CEP83: variants seen among roughly 807,000 people sequenced by gnomAD.
CEP83 encodes centrosomal protein of 83 kDa.
CEP83 carries 70 observed loss-of-function variants against 101.9 expected under a neutral mutation model. That is an observed-to-expected ratio of 0.69 (90% confidence interval 0.57 to 0.84). The LOEUF (loss-of-function observed/expected upper bound fraction) is 0.84, where lower values mean the gene tolerates loss of function less well. Ranked by LOEUF, CEP83 falls within the 40% of genes least tolerant of loss-of-function variation. The pLI is 0.00. For missense variants in CEP83, 715 were observed against 787.2 expected, an observed-to-expected ratio of 0.91 and a Z score of 1.10; for synonymous variants, 264 against 267.9, an observed-to-expected ratio of 0.99 and a Z score of 0.14.
intron 11 of CEP83, among the ~76,000 whole-genome samples, chr12:94,349,848 T>C (rs1273793240): frequency 1.3e-5 from 2 of 152,104 alleles, no homozygotes; most frequent in African/African-American, 2.4e-5. Flanking sequence ...TAGCTGCATC[T>C]CTATACACTA....
chr12:94,339,152 G>C (rs2136590146), intron 11 of CEP83, among the ~76,000 whole-genome samples: 1 of 152,188 alleles, frequency 6.6e-6, no homozygotes, highest in South Asian at 2.1e-4. Flanking sequence ...TTTTAGTAGA[G>C]ACGGAGTTTC....
intron 16 of CEP83, among the ~76,000 whole-genome samples, chr12:94,309,376 G>C (rs1390945448): frequency 6.6e-6 from 1 of 152,098 alleles, no homozygotes; most frequent in African/African-American, 2.4e-5. Flanking sequence ...CAATACCTCA[G>C]GGGCTTGATA....
intron 4 of CEP83, among the ~76,000 whole-genome samples, chr12:94,407,306 TA>T (rs982792234): frequency 1.3e-5 from 2 of 151,682 alleles, no homozygotes; most frequent in Non-Finnish European, 2.9e-5. Flanking sequence ...ACTACAGATA[TA>T]AAAAAAACTG....
At chr12:94,356,161 G>A (rs1053358584) in intron 11 of CEP83, among the ~76,000 whole-genome samples, 2 of 152,148 alleles carry the variant, frequency 1.3e-5, no homozygotes, top group Non-Finnish European at 1.5e-5. Context: ...GAGGACACCC[G>A]AGTACTCTTA....
chr12:94,347,212 T>C (rs997952014), intron 11 of CEP83, among the ~76,000 whole-genome samples: 1 of 151,890 alleles, frequency 6.6e-6, no homozygotes, highest in East Asian at 1.9e-4. Context: ...TAAATAACTA[T>C]TATAAATCAA....
At chr12:94,376,140 A>G (rs1185696482) in intron 7 of CEP83, 123 bp from the exon 8 acceptor site, 3 of 536,856 alleles carry the variant, frequency 5.6e-6, no homozygotes, top group Non-Finnish European at 8.6e-6. Flanking sequence ...CTTAACATAT[A>G]CCAATGTAAC....
the CEP83 span, among the ~76,000 whole-genome samples, chr12:94,271,674 G>A: frequency 6.6e-6 from 1 of 152,208 alleles, no homozygotes; most frequent in African/African-American, 2.4e-5. Context: ...TATTTGTGGT[G>A]AGGTCAGAAA....
chr12:94,336,869 T>A (rs1042689907), intron 11 of CEP83, among the ~76,000 whole-genome samples: 1 of 152,078 alleles, frequency 6.6e-6, no homozygotes, highest in Non-Finnish European at 1.5e-5. Flanking sequence ...CTCACTATAT[T>A]GCCTAGGCTG....
chr12:94,296,390 G>T, the CEP83 span, among the ~76,000 whole-genome samples: 1 of 152,152 alleles, frequency 6.6e-6, no homozygotes. Flanking sequence ...TTGAAATCTG[G>T]ACTCAGGCAG....
intron 14 of CEP83, 34 bp from the exon 15 acceptor site, chr12:94,313,051 C>T: frequency 4.3e-6 from 4 of 931,670 alleles, no homozygotes; most frequent in South Asian, 1.5e-5. Context: ...TATGTTAATA[C>T]ATAATCTCTT....
chr12:94,352,900 G>T (rs1295821124), intron 11 of CEP83, among the ~76,000 whole-genome samples: 2 of 152,274 alleles, frequency 1.3e-5, no homozygotes, highest in East Asian at 3.9e-4. Context: ...AGAAGAATAA[G>T]AGATGGGAAA....
chr12:94,374,910 G>T (rs1424236378), intron 8 of CEP83, among the ~76,000 whole-genome samples: 1 of 152,122 alleles, frequency 6.6e-6, no homozygotes, highest in Non-Finnish European at 1.5e-5. Context: ...GAGAGACAGT[G>T]AACTGCCCAA....
intron 11 of CEP83, among the ~76,000 whole-genome samples, chr12:94,365,512 A>G (rs1356590376): frequency 6.6e-6 from 1 of 152,202 alleles, no homozygotes; most frequent in Non-Finnish European, 1.5e-5. Context: ...CTCAACACCT[A>G]TAATCCCAGT....
chr12:94,283,285 A>G, the CEP83 span, among the ~76,000 whole-genome samples: 1 of 152,308 alleles, frequency 6.6e-6, no homozygotes, highest in East Asian at 1.9e-4. Flanking sequence ...ATTTAGCCAG[A>G]CTGGGCTAGG....
At chr12:94,399,077 T>C (rs1241287626) in intron 6 of CEP83, among the ~76,000 whole-genome samples, 1 of 152,226 alleles carries the variant, frequency 6.6e-6, no homozygotes, top group African/African-American at 2.4e-5. Flanking sequence ...CCCTTTGCCT[T>C]GTGATCTTTG....
At chr12:94,440,026 G>C (rs552028944) in intron 1 of CEP83, among the ~76,000 whole-genome samples, 51 of 152,156 alleles carry the variant, frequency 3.4e-4, no homozygotes, top group African/African-American at 1.2e-3. Flanking sequence ...GGCATAGAAG[G>C]GACATACCTT....
At chr12:94,389,129 AAAAG>A (rs1475727110) in intron 6 of CEP83, among the ~76,000 whole-genome samples, 1 of 152,216 alleles carries the variant, frequency 6.6e-6, no homozygotes, top group Admixed American at 6.5e-5. Context: ...TTTGTCTTAA[AAAAG>A]AAAGAAAGAA....
intron 11 of CEP83, among the ~76,000 whole-genome samples, chr12:94,355,975 CCT>C (rs1009047170): frequency 3.9e-4 from 60 of 152,256 alleles, no homozygotes; most frequent in African/African-American, 1.4e-3. Context: ...CTGTGAGACC[CCT>C]GATTTCCCAC....
chr12:94,334,152 G>A (rs2059357689), intron 12 of CEP83, among the ~76,000 whole-genome samples: 1 of 152,092 alleles, frequency 6.6e-6, no homozygotes, highest in African/African-American at 2.4e-5. Flanking sequence ...GTGTAAATGT[G>A]GGAAGGATCA....
Sources: allele counts gnomAD v4.1 joint callset (sites outside exome capture counted in the v4.1 genomes callset), GRCh38; gene constraint gnomAD v4.1.1; transcripts MANE v1.5; gene names NCBI Gene and HGNC (gene_info 2026-07-23, HGNC 2026-07-21).